The following ADAM22 variants were observed in gnomAD, a reference collection of about 807,000 sequenced individuals.
ADAM22 encodes the protein ADAM metallopeptidase domain 22.
ADAM22 carries 65 observed loss-of-function variants against 144.6 expected under a neutral mutation model. That is an observed-to-expected ratio of 0.45 (90% CI 0.37 to 0.55). The LOEUF (loss-of-function observed/expected upper bound fraction) is 0.55. Ranked by LOEUF, ADAM22 falls within the 20% of genes least tolerant of loss-of-function variation. The pLI is 0.00. For missense variants in ADAM22, 974 were observed against 1,184.9 expected (o/e 0.82, Z 2.61); for synonymous variants, 391 against 412.6 (o/e 0.95, Z 0.63).
chr7:87,945,734 T>A (rs1212131145), intron 2 of ADAM22, among the ~76,000 whole-genome samples: 1 of 152,030 alleles, frequency 6.6e-6, no homozygotes, highest in Non-Finnish European at 1.5e-5. Context: ...AGGCTGGTCT[T>A]GAACTCCTGA....
At chr7:87,954,601 G>A (rs1346573031) in intron 2 of ADAM22, among the ~76,000 whole-genome samples, 1 of 152,114 alleles carries the variant, frequency 6.6e-6, no homozygotes, top group Non-Finnish European at 1.5e-5. Context: ...CAACTTTGGT[G>A]AATCTGACAA....
chr7:88,184,696 T>C (rs1847894206), intron 29 of ADAM22, among the ~76,000 whole-genome samples: 2 of 152,186 alleles, frequency 1.3e-5, no homozygotes, highest in South Asian at 2.1e-4. Flanking sequence ...CCAGCCACCA[T>C]GACCTTGAGA....
intron 3 of ADAM22, among the ~76,000 whole-genome samples, chr7:88,055,626 G>A (rs531152341): frequency 6.6e-6 from 1 of 152,088 alleles, no homozygotes; most frequent in African/African-American, 2.4e-5. Flanking sequence ...AATATTAACC[G>A]CACCTAGTTG....
rs117489320 is a variant in ADAM22, at chr7:88,150,181, C to T, written c.1567-800C>T. ...AGAGGCTCTTGAACAGCAATATTGA[C>T]ATTCCCACAGTCAGCAATTTTTTTC... On this transcript the variant is annotated intron_variant, in intron 18 of 31. Transcript: ENST00000413139. Among the ~76,000 whole-genome samples the T allele has an allele frequency of 5.9e-5, 9 of 152,330 alleles. No individual in the cohort carries two copies. The East Asian group carries it at 1.5e-3, about 26-fold the overall frequency.
chr7:88,018,785 A>G (rs1005673445), intron 3 of ADAM22, among the ~76,000 whole-genome samples: 1 of 152,226 alleles, frequency 6.6e-6, no homozygotes, highest in Non-Finnish European at 1.5e-5. Context: ...GTTTCTTAGC[A>G]GTGAATAATG....
intron 3 of ADAM22, among the ~76,000 whole-genome samples, chr7:88,070,173 T>C (rs1386785068): frequency 6.6e-6 from 1 of 152,130 alleles, no homozygotes; most frequent in Admixed American, 6.6e-5. Flanking sequence ...TTTACCCCAT[T>C]AGACAAATCC....
At chr7:88,051,876 G>A (rs1299836781) in intron 3 of ADAM22, among the ~76,000 whole-genome samples, 2 of 151,690 alleles carry the variant, frequency 1.3e-5, no homozygotes, top group Admixed American at 1.3e-4. Flanking sequence ...GTTATGAGAT[G>A]AAGTTATTTT....
At chr7:87,969,900 G>C (rs1850015537) in intron 2 of ADAM22, among the ~76,000 whole-genome samples, 1 of 152,092 alleles carries the variant, frequency 6.6e-6, no homozygotes, top group South Asian at 2.1e-4. Flanking sequence ...GAAAACTGTG[G>C]GTGTTACTGA....
intron 6 of ADAM22, among the ~76,000 whole-genome samples, chr7:88,116,146 G>A (rs1827703390): frequency 6.6e-6 from 1 of 152,066 alleles, no homozygotes; most frequent in South Asian, 2.1e-4. Flanking sequence ...AAGATAATAT[G>A]AAACCGGACT....
Position 88,132,579 on chromosome 7 carries a change from C to A in ADAM22, c.993-288C>A, listed in dbSNP as rs73204104. The A allele has an allele frequency of 4.4e-3, 1,051 of 240,274 alleles. 5 individuals are homozygous for A. Among genetic ancestry groups the A allele is most frequent in the Non-Finnish European group, 6.7e-3 (819 of 121,646 alleles). 14.9% of individuals were successfully genotyped at this position (240,274 alleles called of 1,614,324 possible). A position where few individuals can be genotyped will look rare whatever the true frequency, so the allele number is the denominator to read the frequency against. On this transcript the variant is annotated intron_variant, in intron 11 of 31. Coordinates refer to ENST00000413139, the MANE Select transcript of ADAM22 (RefSeq NM_001324418.2). ...AAGATATGTATTTTTGGCAGAAATA[C>A]CAGAGAAGTGATTTTGTGTCTGTCT...
chr7:88,035,742 T>G (rs1801386424), intron 3 of ADAM22, among the ~76,000 whole-genome samples: 1 of 152,172 alleles, frequency 6.6e-6, no homozygotes, highest in Admixed American at 6.5e-5. Flanking sequence ...TACCACACCA[T>G]TTTATATAAC....
intron 31 of ADAM22, 117 bp from the exon 32 acceptor site, chr7:88,196,354 G>A: frequency 8.5e-7 from 1 of 1,171,946 alleles, no homozygotes; most frequent in Non-Finnish European, 1.3e-6. Context: ...TTGCAAGAGT[G>A]TGCATCCACA....
intron 31 of ADAM22, 55 bp from the exon 32 acceptor site, chr7:88,196,416 A>G: frequency 6.2e-7 from 1 of 1,600,812 alleles, no homozygotes; most frequent in Admixed American, 1.7e-5. Flanking sequence ...CCTATTCAGA[A>G]TACATCTGCT....
chr7:88,051,245 T>C (rs1199246682), intron 3 of ADAM22, among the ~76,000 whole-genome samples: 1 of 152,200 alleles, frequency 6.6e-6, no homozygotes, highest in Non-Finnish European at 1.5e-5. Context: ...TAAAGACACA[T>C]GCACATGTAT....
At chr7:87,971,030 C>T (rs1268576487) in intron 2 of ADAM22, among the ~76,000 whole-genome samples, 1 of 152,074 alleles carries the variant, frequency 6.6e-6, no homozygotes, top group Non-Finnish European at 1.5e-5. Context: ...CATACTTTAC[C>T]ATATCCATGT....
At chr7:87,973,242 C>A (rs1013403599) in intron 2 of ADAM22, among the ~76,000 whole-genome samples, 3 of 151,898 alleles carry the variant, frequency 2.0e-5, no homozygotes, top group Non-Finnish European at 4.4e-5. Flanking sequence ...AACAAATTTA[C>A]AAGAAAAAAA....
At chr7:88,167,741 C>T (rs1843283096) in intron 24 of ADAM22, among the ~76,000 whole-genome samples, 2 of 152,090 alleles carry the variant, frequency 1.3e-5, no homozygotes, top group East Asian at 1.9e-4. Context: ...GCAGTAAGGA[C>T]CTTGCGTTAG....
intron 2 of ADAM22, among the ~76,000 whole-genome samples, chr7:87,948,821 C>T (rs1844351909): frequency 6.6e-6 from 1 of 152,152 alleles, no homozygotes; most frequent in Non-Finnish European, 1.5e-5. Context: ...TCTTATGAAA[C>T]AGATTGTAAT....
At chr7:88,177,052 A>T (rs528996721) in intron 26 of ADAM22, among the ~76,000 whole-genome samples, 1 of 152,304 alleles carries the variant, frequency 6.6e-6, no homozygotes, top group Non-Finnish European at 1.5e-5. Context: ...GGCGTGAGCC[A>T]CCACGCCCAG....
Sources: allele counts gnomAD v4.1 joint callset (sites outside exome capture counted in the v4.1 genomes callset), GRCh38; gene constraint gnomAD v4.1.1; transcripts MANE v1.5; gene names NCBI Gene and HGNC (gene_info 2026-07-23, HGNC 2026-07-21).